The following KIAA2012 variants were observed in gnomAD, a reference collection of about 807,000 sequenced individuals.
The protein encoded by KIAA2012 is KIAA2012, also known as uncharacterized protein KIAA2012.
Under a neutral mutation model 150.6 loss-of-function variants are expected in KIAA2012, and 125 were observed. That is an observed-to-expected ratio of 0.83 (90% CI 0.72 to 0.96). KIAA2012 has a LOEUF of 0.96. Among genes scored for constraint, KIAA2012 ranks in the 40% least tolerant of loss-of-function variants. KIAA2012 has a pLI of 0.00. For missense variants in KIAA2012, 1,219 were observed against 1,354.9 expected, an observed-to-expected ratio of 0.90 and a Z score of 1.57; for synonymous variants, 462 against 504.7, an observed-to-expected ratio of 0.92 and a Z score of 1.13.
chr2:202,099,827 T>C, intron 6 of KIAA2012, 31 bp downstream of exon 6: 1 of 1,526,262 alleles, frequency 6.6e-7, no homozygotes, highest in East Asian at 2.5e-5. Context: ...CTCATTGATC[T>C]GGGTAAAGCC....
chr2:202,093,041 G>C lies in KIAA2012; in HGVS notation c.541G>C (p.Asp181His). ...YRLWCAGYIKDSVLLQDSQLN... is the reference protein window; with the variant it reads ...YRLWCAGYIKHSVLLQDSQLN... The stretch of plus-strand genomic sequence containing the variant: ...GATCTACTCTTCAGGATACATCAAG[G>C]ATTCTGTGCTACTCCAGGACAGTCA... Residue 181 changes from aspartate to histidine, a missense_variant, in exon 4 of 24, where the codon GAT becomes CAT. Physicochemically the swap from Asp to His is moderately conservative, Grantham distance 81. Transcript: ENST00000498697. 2 of 1,549,940 alleles carry C rather than the reference G, an allele frequency of 1.3e-6. No individual in the cohort carries two copies. The highest frequency in any genetic ancestry group is 2.4e-5 in the East Asian group (1 of 40,898).
chr2:202,139,234 GAAAA>G (rs112360052), intron 13 of KIAA2012, among the ~76,000 whole-genome samples: 3 of 116,364 alleles, frequency 2.6e-5, no homozygotes, highest in African/African-American at 3.2e-5. Context: ...CCTGTCTCAG[GAAAA>G]AAAAAAAAAA....
At chr2:202,098,824 G>A (rs879340936) in intron 5 of KIAA2012, among the ~76,000 whole-genome samples, 4 of 103,402 alleles carry the variant, frequency 3.9e-5, no homozygotes, top group African/African-American at 8.3e-5. Context: ...GTGTGTGCAC[G>A]CGCGCGCGCG....
At chr2:202,179,231 A>G in intron 15 of KIAA2012, 1 of 710,654 alleles carries the variant, frequency 1.4e-6, no homozygotes, top group Non-Finnish European at 2.5e-6. Flanking sequence ...CTAGGGAACA[A>G]TTTGGCAGTA....
Position 202,179,919 on chromosome 2 carries a change from T to C in KIAA2012, c.2120-4834T>C, listed in dbSNP as rs1302764770. ...GCCAAATGAGAGGATAACATAGAAG[T>C]TGGAATCTTCAACGAAGCTGGATTT... On this transcript the variant is annotated intron_variant, in intron 15 of 23. Transcript: ENST00000498697. The C allele has an allele frequency of 6.5e-6, 5 of 774,438 alleles. No homozygotes were observed. In the East Asian group the frequency reaches 2.1e-4, roughly 32 times the overall value. The allele number at this position is 774,438 out of a possible 1,614,324, so 48.0% of individuals were successfully genotyped here.
intron 9 of KIAA2012, chr2:202,106,135 C>A: frequency 8.0e-7 from 1 of 1,251,490 alleles, no homozygotes; most frequent in Non-Finnish European, 1.1e-6. Context: ...CTAACTCATC[C>A]CACTGCTAAT....
At chr2:202,094,675 C>T (rs1345539081) in intron 4 of KIAA2012, among the ~76,000 whole-genome samples, 1 of 152,058 alleles carries the variant, frequency 6.6e-6, no homozygotes, top group Non-Finnish European at 1.5e-5. Context: ...CACACCACCA[C>T]TCCCAGCTAA....
intron 13 of KIAA2012, among the ~76,000 whole-genome samples, chr2:202,147,883 A>C (rs72940527): frequency 0.028 from 4,262 of 152,164 alleles, 92 homozygotes; most frequent in Admixed American, 0.054. Context: ...TCTAAAATAG[A>C]ATGTGTCATC....
At chr2:202,086,854 A>G (rs144238148) in intron 2 of KIAA2012, among the ~76,000 whole-genome samples, 15 of 152,216 alleles carry the variant, frequency 9.9e-5, no homozygotes, top group African/African-American at 3.6e-4. Flanking sequence ...ATGTGATTTT[A>G]TTAGTTATCA....
chr2:202,157,754 A>G (rs887162150), intron 14 of KIAA2012, among the ~76,000 whole-genome samples: 2 of 152,174 alleles, frequency 1.3e-5, no homozygotes, highest in Admixed American at 1.3e-4. Context: ...CCTATGCTCA[A>G]CCATCTGTTA....
At chr2:202,137,315 CTTTT>C (rs11336637) in intron 12 of KIAA2012, 367 of 122,096 alleles carry the variant, frequency 3.0e-3, no homozygotes, top group African/African-American at 9.7e-3. Context: ...ATTAAAGTTA[CTTTT>C]TTTTTTTTTT....
chr2:202,075,098 C>A lies in KIAA2012; in HGVS notation c.292C>A (p.Pro98Thr), dbSNP rs1689296442. 2 of 1,550,414 alleles carry A rather than the reference C, an allele frequency of 1.3e-6. No individual in the cohort carries two copies. Among genetic ancestry groups the A allele is most frequent in the Admixed American group, 2.0e-5 (1 of 50,982 alleles). ...AAAAGGCCCCTACTGCCCCAGAGGT[C>A]CCTGGAGGAAGCTGGATCTTGAACT... Reference protein sequence around the residue: ...RRKGPYCPRGPWRKLDLELHT... With the variant: ...RRKGPYCPRGTWRKLDLELHT... Residue 98 changes from proline to threonine, a missense_variant, in exon 2 of 24, where the codon CCC becomes ACC. By Grantham distance (38) the Pro-to-Thr change is conservative. Transcript: ENST00000498697.
chr2:202,075,505 G>A (rs1286333671), intron 2 of KIAA2012, among the ~76,000 whole-genome samples: 1 of 152,176 alleles, frequency 6.6e-6, no homozygotes, highest in Non-Finnish European at 1.5e-5. Flanking sequence ...GTTTCATCAG[G>A]ATCCTTGAAA....
chr2:202,198,224 A>G (rs1203748484), intron 22 of KIAA2012, among the ~76,000 whole-genome samples: 1 of 151,302 alleles, frequency 6.6e-6, no homozygotes, highest in Non-Finnish European at 1.5e-5. Flanking sequence ...CAAGTGGCTC[A>G]TTTTAATTGG....
At chr2:202,092,802 G>C (rs530768915) in intron 3 of KIAA2012, among the ~76,000 whole-genome samples, 1 of 152,058 alleles carries the variant, frequency 6.6e-6, no homozygotes, top group Non-Finnish European at 1.5e-5. Context: ...ATGATGGGGT[G>C]GAGGAAGTAC....
chr2:202,201,937 G>A (rs1321296385), intron 22 of KIAA2012: 4 of 775,584 alleles, frequency 5.2e-6, no homozygotes, highest in East Asian at 2.5e-5. Flanking sequence ...TATCTTTTCC[G>A]TCCTCTTCCT....
intron 15 of KIAA2012, among the ~76,000 whole-genome samples, chr2:202,176,388 G>C (rs1169885622): frequency 6.6e-6 from 1 of 151,896 alleles, no homozygotes; most frequent in Non-Finnish European, 1.5e-5. Flanking sequence ...GTAGAGACAG[G>C]GTTTCACCAT....
intron 2 of KIAA2012, among the ~76,000 whole-genome samples, chr2:202,086,588 G>C (rs991115546): frequency 6.6e-6 from 1 of 152,194 alleles, no homozygotes; most frequent in African/African-American, 2.4e-5. Context: ...TTTCTAGGCT[G>C]TTTTTGCACT....
chr2:202,194,204 G>A lies in KIAA2012; in HGVS notation c.3029G>A (p.Arg1010Lys). ...GGTTTTCTCAGCTTGAGGAAACAGA[G>A]ACTCCAAGAAGAACAGCAGCGGCAG... is the stretch of plus-strand genomic sequence containing the variant. ...RTEEIRLRKQ[R>K]LQEEQQRQEE... The change falls in exon 21 of 24, where the codon AGA (arginine) becomes AAA (lysine). Residue 1010 changes from arginine (R) to lysine (K), a missense_variant. Transcript: ENST00000498697. 6.4e-7 allele frequency: 1 copy of A among 1,550,600 alleles called. No homozygotes were observed. The highest frequency in any genetic ancestry group is 8.7e-7 in the Non-Finnish European group (1 of 1,146,974).
Sources: allele counts gnomAD v4.1 joint callset (sites outside exome capture counted in the v4.1 genomes callset), GRCh38; gene constraint gnomAD v4.1.1; transcripts MANE v1.5; gene names NCBI Gene and HGNC (gene_info 2026-07-23, HGNC 2026-07-21).